RAD54B: variants seen among roughly 807,000 people sequenced by gnomAD.
The protein encoded by RAD54B is DNA repair and recombination protein RAD54B.
Under a neutral mutation model 95.8 loss-of-function variants are expected in RAD54B, and 78 were observed. The ratio of observed to expected loss-of-function variants is 0.81; its 90% CI spans 0.68 to 0.98. The LOEUF (loss-of-function observed/expected upper bound fraction) is 0.98, where lower values mean the gene tolerates loss of function less well. Among genes scored for constraint, RAD54B ranks in the 50% least tolerant of loss-of-function variants. The pLI is 0.00. For synonymous variants in RAD54B, 328 were observed against 354.9 expected, an observed-to-expected ratio of 0.92 and a Z score of 0.85; for missense variants, 957 against 1,056.6, an observed-to-expected ratio of 0.91 and a Z score of 1.31.
intron 9 of RAD54B, among the ~76,000 whole-genome samples, chr8:94,392,764 ATTTTTT>A (rs34856809): frequency 6.9e-5 from 5 of 72,602 alleles, no homozygotes; most frequent in Admixed American, 1.9e-4. Context: ...CACCTGGCTG[ATTTTTT>A]TTTTTTTTTT....
At chr8:94,465,116 A>AT (rs75991126) in intron 2 of RAD54B, among the ~76,000 whole-genome samples, 62,943 of 151,752 alleles carry the variant, frequency 0.41, 13,262 homozygotes, top group Admixed American at 0.51. Flanking sequence ...AACTCTATCA[A>AT]ACCTAAATAA....
At position 94,473,021 on chromosome 8, in the gene RAD54B, G is replaced by A. The variant is rs143351934; in HGVS notation, c.-17+1980C>T. ...CTCTGCTACTTACATATGACCTTGG[G>A]CATCCATCAAGCCATTTAATTTGTT... is the stretch of plus-strand genomic sequence containing the variant. On this transcript the variant is annotated intron_variant, in intron 1 of 14. Transcript: ENST00000336148. Among the ~76,000 whole-genome samples, 1,015 of 151,050 alleles carry A rather than the reference G, an allele frequency of 6.7e-3. 7 individuals are homozygous for A. The highest frequency in any genetic ancestry group is 0.023 in the African/African-American group (940 of 41,106).
chr8:94,442,041 C>A lies in RAD54B; in HGVS notation c.304+16227G>T, dbSNP rs78279932. On this transcript the variant is annotated intron_variant, in intron 3 of 14. Coordinates refer to ENST00000336148, the MANE Select transcript of RAD54B (RefSeq NM_012415.3). ...ATAAAGAAAATGAACTGCATATACA[C>A]AATGGAATATTATTTGGTTATAAAA... Among the ~76,000 whole-genome samples, 984 of 152,274 alleles carry A rather than the reference C, an allele frequency of 6.5e-3. 15 individuals carry two copies. The highest frequency in any genetic ancestry group is 0.023 in the African/African-American group (936 of 41,560).
intron 3 of RAD54B, chr8:94,427,593 G>T: frequency 2.5e-6 from 1 of 404,696 alleles, no homozygotes; most frequent in Non-Finnish European, 3.3e-6. Flanking sequence ...ATGGTACATT[G>T]GCCATCTATT....
intron 3 of RAD54B, among the ~76,000 whole-genome samples, chr8:94,426,092 A>G (rs527956022): frequency 6.6e-6 from 1 of 152,010 alleles, no homozygotes; most frequent in Non-Finnish European, 1.5e-5. Context: ...AGCTGGGATT[A>G]CAGGTGCCTG....
At chr8:94,449,221 C>T (rs915745329) in intron 3 of RAD54B, among the ~76,000 whole-genome samples, 4 of 150,364 alleles carry the variant, frequency 2.7e-5, no homozygotes, top group Admixed American at 2.7e-4. Flanking sequence ...CACAGACAAC[C>T]CTCTAGAACC....
chr8:94,430,917 C>A (rs1408505491), intron 3 of RAD54B: 1 of 985,256 alleles, frequency 1.0e-6, no homozygotes, highest in Non-Finnish European at 1.2e-6. Flanking sequence ...AATGGCTTAG[C>A]ACTGCATTTG....
chr8:94,473,902 G>A (rs763230152), intron 1 of RAD54B, among the ~76,000 whole-genome samples: 2 of 152,080 alleles, frequency 1.3e-5, no homozygotes, highest in Non-Finnish European at 2.9e-5. Flanking sequence ...AGAATTCTTC[G>A]ACTTTTAAGA....
chr8:94,460,969 A>G (rs1812886010), intron 2 of RAD54B, among the ~76,000 whole-genome samples: 2 of 151,966 alleles, frequency 1.3e-5, no homozygotes, highest in African/African-American at 4.8e-5. Context: ...TCCCCATCTC[A>G]AGGTCCTTAA....
rs113116729 is a variant in RAD54B, at chr8:94,391,619, T to C, written c.1799A>G (p.Asn600Ser). 4.5e-4 allele frequency: 731 copies of C among 1,613,104 alleles called. 1 individual carries two copies. Among genetic ancestry groups the C allele is most frequent in the East Asian group, 5.6e-4 (25 of 44,850 alleles). ...ATACTATGCACTTACCTTTATAGAG[T>C]TGAACAAAAGGCAGGGGTGATTGCA... is the stretch of plus-strand genomic sequence containing the variant. ...KLCNHPCLLFNSIKEKECSST... is the reference protein window; with the variant it reads ...KLCNHPCLLFSSIKEKECSST... The change falls in exon 10 of 15, where the codon AAC becomes AGC. Residue 600 changes from asparagine (N) to serine (S), a missense_variant. Asn to Ser is a conservative substitution (Grantham distance 46, BLOSUM62 1). Coordinates refer to ENST00000336148, the MANE Select transcript of RAD54B (RefSeq NM_012415.3).
At chr8:94,421,907 T>A (rs1388673586) in intron 3 of RAD54B, among the ~76,000 whole-genome samples, 1 of 152,252 alleles carries the variant, frequency 6.6e-6, no homozygotes, top group Non-Finnish European at 1.5e-5. Flanking sequence ...ATTATAGTTA[T>A]CTATTTTTAA....
chr8:94,471,467 T>C (rs1251359785), intron 1 of RAD54B, among the ~76,000 whole-genome samples: 3 of 152,162 alleles, frequency 2.0e-5, no homozygotes, highest in Non-Finnish European at 2.9e-5. Flanking sequence ...TTGGAGGTGA[T>C]AGAAATAATC....
chr8:94,447,627 C>G (rs1812553917), intron 3 of RAD54B, among the ~76,000 whole-genome samples: 1 of 152,176 alleles, frequency 6.6e-6, no homozygotes, highest in Admixed American at 6.5e-5. Flanking sequence ...GATTCCTCTT[C>G]ACGATGGCAA....
intron 10 of RAD54B, among the ~76,000 whole-genome samples, chr8:94,388,315 T>C (rs745588886): frequency 6.6e-6 from 1 of 152,174 alleles, no homozygotes; most frequent in South Asian, 2.1e-4. Context: ...ATAATAAATA[T>C]ATTTTCTCTT....
At chr8:94,409,646 G>A (rs749312197) in intron 4 of RAD54B, among the ~76,000 whole-genome samples, 9 of 152,058 alleles carry the variant, frequency 5.9e-5, no homozygotes, top group Admixed American at 2.0e-4. Context: ...GATTACAGGC[G>A]TGAGCCACTA....
At chr8:94,465,525 G>A (rs1813003290) in intron 2 of RAD54B, among the ~76,000 whole-genome samples, 1 of 152,184 alleles carries the variant, frequency 6.6e-6, no homozygotes, top group Non-Finnish European at 1.5e-5. Context: ...AAGTGTTCCT[G>A]AGGATGTAGA....
intron 5 of RAD54B, among the ~76,000 whole-genome samples, chr8:94,406,027 C>CACACACACACACATAT (rs11281421): frequency 2.0e-5 from 3 of 150,418 alleles, no homozygotes; most frequent in African/African-American, 7.3e-5. Context: ...CACACACACA[C>CACACACACACACATAT]ATATATATAA....
At chr8:94,381,300 A>G (rs960239201) in intron 11 of RAD54B, among the ~76,000 whole-genome samples, 5 of 152,210 alleles carry the variant, frequency 3.3e-5, no homozygotes, top group African/African-American at 1.2e-4. Context: ...AAAGATCCAC[A>G]GATAGGGAGT....
rs117243949 is a variant in RAD54B, at chr8:94,379,392, T to C, written c.2247+753A>G. Among the ~76,000 whole-genome samples the C allele has an allele frequency of 5.6e-3, 848 of 152,300 alleles. 2 individuals carry two copies. The highest frequency in any genetic ancestry group is 9.8e-3 in the Non-Finnish European group (664 of 68,022). On this transcript the variant is annotated intron_variant, in intron 12 of 14. Transcript: ENST00000336148. Reference sequence around the variant, plus strand: ...AACTTCCCTGGTGGACAATATTCTATATGCACTGTCACTCACCAATGCCGA... The same window carrying C: ...AACTTCCCTGGTGGACAATATTCTACATGCACTGTCACTCACCAATGCCGA...
Sources: gnomAD v4.1 joint callset for allele counts (sites outside exome capture counted in the v4.1 genomes callset) on GRCh38, gnomAD v4.1.1 for gene constraint, MANE v1.5 for transcripts, NCBI Gene and HGNC (gene_info 2026-07-23, HGNC 2026-07-21) for gene names.